The following IPO11 variants were observed in gnomAD, a reference collection of about 807,000 sequenced individuals.
IPO11 encodes importin 11.
In IPO11, 66 loss-of-function variants were observed where a neutral mutation model predicts 143.2. That is an observed-to-expected ratio of 0.46 (90% CI 0.38 to 0.57). The LOEUF (loss-of-function observed/expected upper bound fraction) is 0.57. Ranked by LOEUF, IPO11 falls within the 20% of genes least tolerant of loss-of-function variation. IPO11 has a pLI of 0.00. For missense variants in IPO11, 1,026 were observed against 1,141.0 expected, an observed-to-expected ratio of 0.90 and a Z score of 1.45; for synonymous variants, 385 against 377.8, an observed-to-expected ratio of 1.02 and a Z score of -0.22.
At chr5:62,519,948 G>A (rs1412027869) in intron 20 of IPO11, among the ~76,000 whole-genome samples, 2 of 152,188 alleles carry the variant, frequency 1.3e-5, no homozygotes, top group East Asian at 3.9e-4. Flanking sequence ...CCCAAGTCCA[G>A]CCACATTCTT....
rs34767317 is a variant in IPO11 at position 62,417,321 on chromosome 5, A to ATTTTTTTTTTT, written c.-7+4408_-7+4418dup. Among the ~76,000 whole-genome samples the ATTTTTTTTTTT allele has an allele frequency of 9.2e-5, 6 of 65,354 alleles. 1 individual carries two copies. Among genetic ancestry groups the ATTTTTTTTTTT allele is most frequent in the African/African-American group, 2.5e-4 (4 of 15,730 alleles). The allele number at this position is 65,354 out of a possible 152,430, so 42.9% of individuals were successfully genotyped here. ...ATTTTCTTCACCTCCTTATTGGTTA[A>ATTTTTTTTTTT]TTTTTTTTTTTTTTTTTTTTTTTTT... On this transcript the variant is annotated intron_variant, in intron 1 of 29. Coordinates refer to ENST00000325324, the MANE Select transcript of IPO11 (RefSeq NM_016338.5).
intron 29 of IPO11, among the ~76,000 whole-genome samples, chr5:62,618,803 C>T (rs947966979): frequency 1.3e-5 from 2 of 152,086 alleles, no homozygotes; most frequent in African/African-American, 4.8e-5. Flanking sequence ...CCCACCTAGT[C>T]GGGAGGCTGT....
chr5:62,514,165 A>T (rs536582756), intron 19 of IPO11, among the ~76,000 whole-genome samples: 1 of 150,480 alleles, frequency 6.6e-6, no homozygotes, highest in Non-Finnish European at 1.5e-5. Flanking sequence ...CCAGGCAGAG[A>T]CGCTCCTCAC....
At chr5:62,586,782 T>A (rs868841509) in intron 27 of IPO11, among the ~76,000 whole-genome samples, 66 of 134,326 alleles carry the variant, frequency 4.9e-4, no homozygotes, top group African/African-American at 1.7e-3. Flanking sequence ...TATATATATA[T>A]ATATATATAT....
chr5:62,542,039 G>A (rs1412247719), intron 24 of IPO11, among the ~76,000 whole-genome samples: 1 of 151,862 alleles, frequency 6.6e-6, no homozygotes, highest in Non-Finnish European at 1.5e-5. Flanking sequence ...AACATGACAA[G>A]ACTGCATCTC....
intron 24 of IPO11, 81 bp downstream of exon 24, chr5:62,537,370 C>A (rs532617132): frequency 2.2e-6 from 2 of 926,324 alleles, no homozygotes; most frequent in South Asian, 1.5e-5. Context: ...TTGGATGGTT[C>A]GCAAGAAGGA....
chr5:62,491,958 T>C (rs1449775446), intron 15 of IPO11, among the ~76,000 whole-genome samples: 8 of 152,156 alleles, frequency 5.3e-5, no homozygotes, highest in Non-Finnish European at 1.2e-4. Context: ...TCTTTTCTCT[T>C]ATAATGTGGG....
At chr5:62,586,763 AAAAAAATATATATATATATATAT>A (rs1744796595) in intron 27 of IPO11, among the ~76,000 whole-genome samples, 1 of 90,566 alleles carries the variant, frequency 1.1e-5, no homozygotes, top group South Asian at 4.1e-4. Context: ...AAAAAAAAAA[AAAAAAATATATATATATATATAT>A]ATATATATAT....
chr5:62,596,292 C>T (rs1368075745), intron 28 of IPO11, among the ~76,000 whole-genome samples: 3 of 101,156 alleles, frequency 3.0e-5, no homozygotes, highest in Admixed American at 9.5e-5. Flanking sequence ...AAGAATTTAG[C>T]CAGCATTTTA....
chr5:62,433,036 G>A (rs957689325), intron 1 of IPO11, among the ~76,000 whole-genome samples: 5 of 152,000 alleles, frequency 3.3e-5, no homozygotes, highest in Admixed American at 3.3e-4. Flanking sequence ...TTCATTTAAT[G>A]GTTTTAGCAT....
chr5:62,597,893 C>T (rs746917905), intron 28 of IPO11, among the ~76,000 whole-genome samples: 4 of 152,334 alleles, frequency 2.6e-5, no homozygotes, highest in East Asian at 1.9e-4. Context: ...GATTAGCTGA[C>T]TGTGGCCTTA....
At chr5:62,445,608 T>C (rs1380891418) in intron 3 of IPO11, among the ~76,000 whole-genome samples, 5 of 152,156 alleles carry the variant, frequency 3.3e-5, no homozygotes, top group African/African-American at 9.7e-5. Context: ...GTATTTTTCA[T>C]TTTCAGTACA....
Position 62,494,215 on chromosome 5 carries a change from T to C in IPO11, c.1590+91T>C, listed in dbSNP as rs139009632. On this transcript the variant is annotated intron_variant, in intron 16 of 29. Transcript: ENST00000325324. ...CACAACAGTTTATGTCTTTTCTTTA[T>C]GATGTTTATGGCCTTTCACTGCACT... The C allele has an allele frequency of 3.2e-3, 3,694 of 1,171,324 alleles. 8 individuals are homozygous for C. Among genetic ancestry groups the C allele is most frequent in the Non-Finnish European group, 4.1e-3 (3,486 of 849,164 alleles). The allele number at this position is 1,171,324 out of a possible 1,614,324, so 72.6% of individuals were successfully genotyped here.
intron 28 of IPO11, 114 bp downstream of exon 28, chr5:62,591,786 C>CTTTT: frequency 1.7e-6 from 1 of 584,544 alleles, no homozygotes; most frequent in Admixed American, 3.9e-5. Flanking sequence ...TATAATTTCT[C>CTTTT]TTTTATACAG....
At position 62,449,258 on chromosome 5, in the gene IPO11, T is replaced by C. The variant is rs573657170; in HGVS notation, c.240-669T>C. On this transcript the variant is annotated intron_variant, in intron 3 of 29. Transcript: ENST00000325324. ...TGTATTCAACATGTATACAGTCTTA[T>C]ACAGTAGTGTTCTCCTTTCCTGTCC... 3.3e-5 allele frequency among the ~76,000 whole-genome samples: 5 copies of C among 152,388 alleles called. No homozygotes were observed. The South Asian group carries it at 1.0e-3, about 32-fold the overall frequency.
intron 24 of IPO11, among the ~76,000 whole-genome samples, chr5:62,547,162 G>A (rs767706463): frequency 1.3e-5 from 2 of 151,946 alleles, no homozygotes; most frequent in African/African-American, 2.4e-5. Context: ...GGGATGTAAC[G>A]TTACAAAAAA....
At chr5:62,577,918 A>G (rs1259110797) in intron 27 of IPO11, among the ~76,000 whole-genome samples, 1 of 152,104 alleles carries the variant, frequency 6.6e-6, no homozygotes, top group African/African-American at 2.4e-5. Context: ...CAGAATTAGA[A>G]AGCTTAAGCA....
chr5:62,435,118 G>GTATATATATGTA, intron 1 of IPO11, among the ~76,000 whole-genome samples: 1 of 60,704 alleles, frequency 1.6e-5, no homozygotes, highest in African/African-American at 6.8e-5. Flanking sequence ...ATGTATATAT[G>GTATATATATGTA]TATATATGTA....
chr5:62,423,108 T>C (rs1743578608), intron 1 of IPO11, among the ~76,000 whole-genome samples: 1 of 152,242 alleles, frequency 6.6e-6, no homozygotes, highest in African/African-American at 2.4e-5. Context: ...TATAGGAAGA[T>C]ACTGAATGGA....
Sources: gnomAD v4.1 joint callset for allele counts (sites outside exome capture counted in the v4.1 genomes callset) on GRCh38, gnomAD v4.1.1 for gene constraint, MANE v1.5 for transcripts, NCBI Gene and HGNC (gene_info 2026-07-23, HGNC 2026-07-21) for gene names.